MEI4: variants seen among roughly 807,000 people sequenced by gnomAD.
The protein encoded by MEI4 is meiotic double-stranded break formation protein 4.
Under a neutral mutation model 31.4 loss-of-function variants are expected in MEI4, and 27 were observed. The observed-to-expected ratio is 0.86, with a 90% confidence interval of 0.63 to 1.19. The LOEUF (loss-of-function observed/expected upper bound fraction) is 1.19, where lower values mean the gene tolerates loss of function less well. Ranked by LOEUF, MEI4 falls within the 50% of genes most tolerant of loss-of-function variation. MEI4 has a pLI of 0.00. For missense variants in MEI4, 329 were observed against 398.9 expected (o/e 0.82, Z 1.49); for synonymous variants, 122 against 145.4 (o/e 0.84, Z 1.16).
At chr6:77,916,035 G>A (rs917071533) in intron 4 of MEI4, among the ~76,000 whole-genome samples, 1 of 151,794 alleles carries the variant, frequency 6.6e-6, no homozygotes, top group Admixed American at 6.6e-5. Flanking sequence ...AATTCTGCTT[G>A]ACCTAGTTGA....
intron 4 of MEI4, among the ~76,000 whole-genome samples, chr6:77,884,322 T>C (rs1229429304): frequency 6.6e-6 from 1 of 152,214 alleles, no homozygotes; most frequent in Non-Finnish European, 1.5e-5. Context: ...ACTCTGTTGA[T>C]TTTTCCTTTG....
chr6:77,743,681 C>A (rs1374040885), intron 2 of MEI4, among the ~76,000 whole-genome samples: 1 of 150,926 alleles, frequency 6.6e-6, no homozygotes. Flanking sequence ...GGGTCCCTGA[C>A]CCCTGACCCC....
At chr6:77,862,459 A>G (rs1339049526) in intron 4 of MEI4, among the ~76,000 whole-genome samples, 1 of 152,234 alleles carries the variant, frequency 6.6e-6, no homozygotes, top group Non-Finnish European at 1.5e-5. Context: ...TCCTATGCCC[A>G]TGGAGCCTTG....
chr6:77,916,418 T>A (rs1766549269), intron 4 of MEI4, among the ~76,000 whole-genome samples: 1 of 152,108 alleles, frequency 6.6e-6, no homozygotes, highest in South Asian at 2.1e-4. Flanking sequence ...GATGACTTTT[T>A]CCTAAAGATA....
chr6:77,735,588 C>T (rs762660191), intron 2 of MEI4, among the ~76,000 whole-genome samples: 10 of 151,974 alleles, frequency 6.6e-5, no homozygotes, highest in Admixed American at 3.9e-4. Context: ...AATGTCCTCC[C>T]GTAGCTCGGA....
chr6:77,846,872 CA>C (rs753192208), intron 4 of MEI4, among the ~76,000 whole-genome samples: 4 of 152,166 alleles, frequency 2.6e-5, no homozygotes, highest in Non-Finnish European at 5.9e-5. Context: ...TAGTGCCCCT[CA>C]ATCCCCCACC....
intron 1 of MEI4, 140 bp from the exon 2 acceptor site, chr6:77,690,517 AT>A (rs1021960584): frequency 4.2e-5 from 17 of 401,766 alleles, no homozygotes; most frequent in Admixed American, 3.6e-4. Context: ...TCAGTCCCTG[AT>A]TTTTTTTTCT....
chr6:77,760,130 A>G (rs2127681741), intron 2 of MEI4, among the ~76,000 whole-genome samples: 1 of 152,244 alleles, frequency 6.6e-6, no homozygotes. Flanking sequence ...AGCCAAGATG[A>G]GGAAATTCTA....
At chr6:77,780,684 C>G (rs545506451) in intron 3 of MEI4, among the ~76,000 whole-genome samples, 2 of 152,098 alleles carry the variant, frequency 1.3e-5, no homozygotes, top group Admixed American at 1.3e-4. Context: ...CTTTTGGTTC[C>G]CCCATATTTG....
rs1213615787 is a variant in MEI4 at position 77,761,364 on chromosome 6, A to G, written c.467A>G (p.Tyr156Cys). ...PLSSHMQFLQYLLELKNLTES... is the reference protein window; with the variant it reads ...PLSSHMQFLQCLLELKNLTES... ...TCTTCTCACATGCAATTCTTGCAAT[A>G]TCTACTTGAATTAAAGAACTTGACA... is the stretch of plus-strand genomic sequence containing the variant. Residue 156 changes from tyrosine to cysteine, a missense_variant, in exon 3 of 5, where the codon TAT becomes TGT. Transcript: ENST00000684080. 1.1e-5 allele frequency: 13 copies of G among 1,232,346 alleles called. 1 individual carries two copies. Among genetic ancestry groups the G allele is most frequent in the Admixed American group, 4.2e-5 (1 of 23,710 alleles). 76.3% of individuals were successfully genotyped at this position (1,232,346 alleles called of 1,614,324 possible). A position where few individuals can be genotyped will look rare whatever the true frequency, so the allele number is the denominator to read the frequency against.
chr6:77,690,574 C>G (rs1325780325), intron 1 of MEI4, 84 bp from the exon 2 acceptor site: 1 of 579,760 alleles, frequency 1.7e-6, no homozygotes, highest in Non-Finnish European at 2.5e-6. Context: ...ATTAATGTTA[C>G]TCTGCAAAAT....
chr6:77,678,947 TA>T (rs146048119), intron 1 of MEI4, among the ~76,000 whole-genome samples: 1 of 150,334 alleles, frequency 6.7e-6, no homozygotes, highest in Non-Finnish European at 1.5e-5. Flanking sequence ...GTTTAAGAGG[TA>T]AAAAAAAATA....
At position 77,923,314 on chromosome 6, in the gene MEI4, A is replaced by C. The variant is rs1048511589; in HGVS notation, c.1126A>C (p.Ser376Arg). ...FYLWRVGILL[S>R]SAQIETLRK ...TTTATGGAGAGTGGGCATTCTTTTG[A>C]GCTCAGCACAGATAGAAACTCTTAG... The change falls in exon 5 of 5, where the codon AGC becomes CGC. Residue 376 changes from serine (S) to arginine (R), a missense_variant. Transcript: ENST00000684080. The C allele has an allele frequency of 8.1e-7, 1 of 1,229,988 alleles. No individual in the cohort carries two copies. Among genetic ancestry groups the C allele is most frequent in the Non-Finnish European group, 1.0e-6 (1 of 986,488 alleles). The allele number at this position is 1,229,988 out of a possible 1,614,324, so 76.2% of individuals were successfully genotyped here. A position where few individuals can be genotyped will look rare whatever the true frequency, so the allele number is the denominator to read the frequency against.
Position 77,777,920 on chromosome 6 carries a change from CAT to C in MEI4, c.768+16257_768+16258del, listed in dbSNP as rs1022013530. Among the ~76,000 whole-genome samples, 3 of 151,446 alleles carry C rather than the reference CAT, an allele frequency of 2.0e-5. 1 individual carries two copies. The highest frequency in any genetic ancestry group is 2.0e-4 in the Admixed American group (3 of 15,220). ...TTTAAAAAATATGGTTATGAAAACA[CAT>C]AAATTAATAACAGTTTGGAAGGTTT... On this transcript the variant is annotated intron_variant, in intron 3 of 4. Coordinates refer to ENST00000684080, the MANE Select transcript of MEI4 (RefSeq NM_001322247.2).
chr6:77,750,324 G>C (rs185345956), intron 2 of MEI4, among the ~76,000 whole-genome samples: 20 of 152,244 alleles, frequency 1.3e-4, no homozygotes, highest in Non-Finnish European at 2.6e-4. Context: ...ACACAGACTG[G>C]CAAACTGGAT....
chr6:77,734,376 C>A (rs1767114629), intron 2 of MEI4, among the ~76,000 whole-genome samples: 1 of 152,036 alleles, frequency 6.6e-6, no homozygotes, highest in Non-Finnish European at 1.5e-5. Flanking sequence ...GAATTGATCT[C>A]TTTACCATTA....
intron 2 of MEI4, among the ~76,000 whole-genome samples, chr6:77,742,610 C>A (rs534156503): frequency 6.6e-5 from 10 of 152,198 alleles, no homozygotes; most frequent in East Asian, 3.9e-4. Flanking sequence ...GCTGTGCAGA[C>A]GCTCTCTAGT....
At chr6:77,830,624 T>C (rs1390277545) in intron 4 of MEI4, among the ~76,000 whole-genome samples, 1 of 152,090 alleles carries the variant, frequency 6.6e-6, no homozygotes, top group Non-Finnish European at 1.5e-5. Flanking sequence ...TCTGTTTGCT[T>C]GTATTTTGCT....
chr6:77,892,314 G>A (rs1025444638), intron 4 of MEI4, among the ~76,000 whole-genome samples: 2 of 152,096 alleles, frequency 1.3e-5, no homozygotes, highest in African/African-American at 4.8e-5. Flanking sequence ...AGGTCAGGTT[G>A]ATCTGTTGAT....
Sources: gnomAD v4.1 joint callset for allele counts (sites outside exome capture counted in the v4.1 genomes callset) on GRCh38, gnomAD v4.1.1 for gene constraint, MANE v1.5 for transcripts, NCBI Gene and HGNC (gene_info 2026-07-23, HGNC 2026-07-21) for gene names.